Variants in BRAF observed in about 807,000 individuals in gnomAD.
BRAF encodes serine/threonine-protein kinase B-raf.
A neutral mutation model predicts 104.6 loss-of-function variants in BRAF; 16 were observed. The ratio of observed to expected loss-of-function variants is 0.15; its 90% CI spans 0.10 to 0.23. The LOEUF (loss-of-function observed/expected upper bound fraction) is 0.23. Ranked by LOEUF, BRAF falls within the 10% of genes least tolerant of loss-of-function variation. The pLI is 1.00. For synonymous variants in BRAF, 310 were observed against 341.6 expected (o/e 0.91, Z 1.02); for missense variants, 541 against 937.3 (o/e 0.58, Z 5.52).
intron 1 of BRAF, among the ~76,000 whole-genome samples, chr7:140,920,806 T>C (rs921974146): frequency 6.6e-6 from 1 of 152,174 alleles, no homozygotes; most frequent in African/African-American, 2.4e-5. Flanking sequence ...AAGTGAACAC[T>C]AGAAATACCA....
intron 1 of BRAF, among the ~76,000 whole-genome samples, chr7:140,854,987 G>C (rs1393432488): frequency 1.3e-5 from 2 of 152,056 alleles, no homozygotes; most frequent in African/African-American, 4.8e-5. Context: ...GCTAGGTATA[G>C]TGGGGCCAGA....
intron 1 of BRAF, among the ~76,000 whole-genome samples, chr7:140,867,878 T>A (rs145155599): frequency 1.9e-3 from 296 of 152,322 alleles, no homozygotes; most frequent in Non-Finnish European, 3.3e-3. Context: ...ATTCTGACCC[T>A]GGGCTTCTCC....
At position 140,739,934 on chromosome 7, in the gene BRAF, C is replaced by T. The variant is rs2130900936; in HGVS notation, c.2125G>A (p.Val709Met). 1 of 1,613,462 alleles carries T rather than the reference C, an allele frequency of 6.2e-7. No individual in the cohort carries two copies. The highest frequency in any genetic ancestry group is 1.3e-5 in the African/African-American group (1 of 74,926). ...INNRDQIIFM[V>M]GRGYLSPDLS... ...TCTGGAGACAGGTATCCTCGTCCCA[C>T]CATAAAAATTATCTGGAGAGAGAAA... is the stretch of plus-strand genomic sequence containing the variant. Residue 709 changes from valine (V) to methionine (M), a missense_variant, in exon 18 of 20, where the codon GTG becomes ATG. This residue lies in a region of BRAF where 129 missense variants were observed against 285.8 expected (regional missense o/e 0.45). Coordinates refer to ENST00000644969, the MANE Select transcript of BRAF (RefSeq NM_001374258.1).
chr7:140,870,708 A>C (rs1811480123), intron 1 of BRAF, among the ~76,000 whole-genome samples: 1 of 152,048 alleles, frequency 6.6e-6, no homozygotes, highest in South Asian at 2.1e-4. Flanking sequence ...CTAAAGCAAA[A>C]GAGGAAACGG....
chr7:140,809,019 T>C (rs1314049593), intron 3 of BRAF, 24 bp from the exon 4 acceptor site: 1 of 1,573,418 alleles, frequency 6.4e-7, no homozygotes, highest in Non-Finnish European at 8.7e-7. Flanking sequence ...AATATATTGA[T>C]AAGAGGTAAA....
intron 14 of BRAF, among the ~76,000 whole-genome samples, chr7:140,770,145 GATTATT>G (rs995827200): frequency 7.9e-5 from 12 of 152,068 alleles, no homozygotes; most frequent in Admixed American, 2.6e-4. Context: ...TGCATTTTCT[GATTATT>G]ATTATTATCA....
chr7:140,725,807 G>A lies in BRAF; in HGVS notation c.*687C>T, dbSNP rs1795569164. On this transcript the variant is annotated 3_prime_UTR_variant, in exon 20 of 20. Coordinates refer to ENST00000644969, the MANE Select transcript of BRAF (RefSeq NM_001374258.1). Reference sequence around the variant, plus strand: ...CTTGGTTAGACAGACCCCTCAGTGAGCAAGGAAACAAAAGGCCAGAGACCC... The same window carrying A: ...CTTGGTTAGACAGACCCCTCAGTGAACAAGGAAACAAAAGGCCAGAGACCC... 9 of 1,063,344 alleles carry A rather than the reference G, an allele frequency of 8.5e-6. No homozygotes were observed. Among genetic ancestry groups the A allele is most frequent in the Non-Finnish European group, 1.0e-5 (9 of 878,134 alleles). 65.9% of individuals were successfully genotyped at this position (1,063,344 alleles called of 1,614,324 possible).
chr7:140,753,843 T>C, intron 15 of BRAF: 1 of 370,116 alleles, frequency 2.7e-6, no homozygotes, highest in South Asian at 2.7e-5. Flanking sequence ...AGTCTTCAGT[T>C]ATATCTCAAC....
intron 1 of BRAF, among the ~76,000 whole-genome samples, chr7:140,911,999 T>C (rs1817034415): frequency 6.6e-6 from 1 of 152,174 alleles, no homozygotes; most frequent in African/African-American, 2.4e-5. Context: ...TCTAGACAAC[T>C]CATAAAATAA....
chr7:140,871,089 A>G (rs2129092741), intron 1 of BRAF, among the ~76,000 whole-genome samples: 1 of 151,624 alleles, frequency 6.6e-6, no homozygotes, highest in Admixed American at 6.6e-5. Flanking sequence ...AATACAAAAA[A>G]AAATTGGCTG....
intron 1 of BRAF, among the ~76,000 whole-genome samples, chr7:140,863,872 G>A (rs865987081): frequency 2.6e-5 from 4 of 152,154 alleles, no homozygotes; most frequent in South Asian, 2.1e-4. Flanking sequence ...CTGCAGAACC[G>A]TGAGCCAATT....
chr7:140,767,648 A>T (rs183616811), intron 14 of BRAF, among the ~76,000 whole-genome samples: 2 of 152,326 alleles, frequency 1.3e-5, no homozygotes, highest in East Asian at 3.9e-4. Context: ...GGAAACTGAA[A>T]GTGTAACTGC....
intron 1 of BRAF, among the ~76,000 whole-genome samples, chr7:140,873,030 T>C (rs1233226511): frequency 6.6e-6 from 1 of 152,186 alleles, no homozygotes; most frequent in Non-Finnish European, 1.5e-5. Flanking sequence ...ACTTCTGGCA[T>C]GATGAAATGA....
At chr7:140,922,098 T>C (rs1586665182) in intron 1 of BRAF, among the ~76,000 whole-genome samples, 1 of 152,176 alleles carries the variant, frequency 6.6e-6, no homozygotes, top group East Asian at 1.9e-4. Flanking sequence ...CCAAATACAT[T>C]TATTATCAGT....
intron 7 of BRAF, among the ~76,000 whole-genome samples, chr7:140,796,940 T>C (rs1802553703): frequency 6.6e-6 from 1 of 152,186 alleles, no homozygotes; most frequent in African/African-American, 2.4e-5. Flanking sequence ...GTATCCTGAT[T>C]CAATTTTTTT....
At chr7:140,771,233 TCATCC>T (rs1799816469) in intron 14 of BRAF, among the ~76,000 whole-genome samples, 1 of 152,216 alleles carries the variant, frequency 6.6e-6, no homozygotes, top group Non-Finnish European at 1.5e-5. Flanking sequence ...TCTTGCTCTG[TCATCC>T]AGGGCGGAGT....
intron 1 of BRAF, among the ~76,000 whole-genome samples, chr7:140,895,742 C>T (rs1385944442): frequency 6.6e-6 from 1 of 152,192 alleles, no homozygotes; most frequent in Non-Finnish European, 1.5e-5. Context: ...AATCATGTTG[C>T]TGCAAATGAC....
At chr7:140,718,017 T>A (rs930489615), downstream of BRAF, among the ~76,000 whole-genome samples, 1 of 152,110 alleles carries the variant, frequency 6.6e-6, no homozygotes, top group Non-Finnish European at 1.5e-5. Flanking sequence ...GGAGGAGGGG[T>A]GAAACCAGAT....
intron 3 of BRAF, among the ~76,000 whole-genome samples, chr7:140,813,821 A>G (rs779927976): frequency 9.9e-5 from 15 of 152,134 alleles, no homozygotes; most frequent in Non-Finnish European, 1.9e-4. Flanking sequence ...ACTTATGTCT[A>G]TATTTTAAAA....
Sources: gnomAD v4.1 joint callset for allele counts (sites outside exome capture counted in the v4.1 genomes callset) on GRCh38, gnomAD v4.1.1 for gene constraint, gnomAD v4.1.1 regional missense constraint, MANE v1.5 for transcripts, NCBI Gene and HGNC (gene_info 2026-07-23, HGNC 2026-07-21) for gene names.